Variants in CYP2J2 observed in about 807,000 individuals in gnomAD.
The protein encoded by CYP2J2 is cytochrome P450 family 2 subfamily J member 2, also known as cytochrome P450 2J2.
CYP2J2 carries 41 observed loss-of-function variants against 48.8 expected under a neutral mutation model. The ratio of observed to expected loss-of-function variants is 0.84; its 90% CI spans 0.66 to 1.09. The LOEUF (loss-of-function observed/expected upper bound fraction) is 1.09. CYP2J2 is among the 50% of genes least tolerant of loss of function. The probability of loss-of-function intolerance (pLI) is 0.00; values close to 1 mark genes in which losing one functional copy is unlikely to be tolerated. For missense variants in CYP2J2, 644 were observed against 617.3 expected (o/e 1.04, Z -0.46); for synonymous variants, 221 against 227.1 (o/e 0.97, Z 0.24).
chr1:59,899,394 GC>G (rs1426828919), intron 8 of CYP2J2, among the ~76,000 whole-genome samples: 1 of 152,180 alleles, frequency 6.6e-6, no homozygotes, highest in East Asian at 1.9e-4. Flanking sequence ...ATCAGAATCA[GC>G]CCAGAGACAC....
upstream of CYP2J2, among the ~76,000 whole-genome samples, chr1:59,931,440 G>A (rs945707218): frequency 3.9e-5 from 6 of 151,910 alleles, no homozygotes; most frequent in African/African-American, 1.5e-4. Context: ...TTTAAAAAAG[G>A]AAGAAGAAAA....
chr1:59,917,862 G>A (rs1238213002), intron 1 of CYP2J2, among the ~76,000 whole-genome samples: 2 of 152,106 alleles, frequency 1.3e-5, no homozygotes, highest in African/African-American at 4.8e-5. Context: ...AGGTGTTTGT[G>A]GCCTCTTCTC....
Position 59,911,486 on chromosome 1 carries a change from T to C in CYP2J2, c.684+122A>G, listed in dbSNP as rs149065781. 95 of 627,634 alleles carry C rather than the reference T, an allele frequency of 1.5e-4. No individual in the cohort carries two copies. The African/African-American group carries it at 1.6e-3, about 11-fold the overall frequency. The allele number at this position is 627,634 out of a possible 1,614,324, so 38.9% of individuals were successfully genotyped here. A position where few individuals can be genotyped will look rare whatever the true frequency, so the allele number is the denominator to read the frequency against. ...TATTTCAAATAAGTTTGTGTTGAAA[T>C]TAGTTTTGAAAGGTTATATTTTAAC... On this transcript the variant is annotated intron_variant, in intron 4 of 8. Transcript: ENST00000371204.
upstream of CYP2J2, among the ~76,000 whole-genome samples, chr1:59,928,764 G>A (rs1014977670): frequency 6.6e-6 from 1 of 152,306 alleles, no homozygotes; most frequent in Middle Eastern, 3.4e-3. Context: ...ACAAACACCA[G>A]AGATGAATGC....
At chr1:59,927,936 T>C (rs966244931), upstream of CYP2J2, among the ~76,000 whole-genome samples, 6 of 152,228 alleles carry the variant, frequency 3.9e-5, no homozygotes, top group African/African-American at 1.4e-4. Context: ...GCTTAGCTTT[T>C]ATCCTTCTAG....
chr1:59,905,969 G>A (rs1314796357), intron 6 of CYP2J2, among the ~76,000 whole-genome samples: 1 of 152,090 alleles, frequency 6.6e-6, no homozygotes, highest in African/African-American at 2.4e-5. Flanking sequence ...GGCGGATCAC[G>A]AGGTCAGGAG....
chr1:59,897,367 C>T (rs751071957), intron 8 of CYP2J2, among the ~76,000 whole-genome samples: 1 of 152,246 alleles, frequency 6.6e-6, no homozygotes, highest in Non-Finnish European at 1.5e-5. Context: ...CAAAACTAAA[C>T]TTATCTCATT....
the CYP2J2 span, among the ~76,000 whole-genome samples, chr1:59,944,249 G>T: frequency 1.3e-5 from 2 of 152,170 alleles, no homozygotes; most frequent in Non-Finnish European, 2.9e-5. Flanking sequence ...TTGAGACAGG[G>T]TCTCACTTTG....
At chr1:59,944,916 C>G in the CYP2J2 span, among the ~76,000 whole-genome samples, 1 of 151,828 alleles carries the variant, frequency 6.6e-6, no homozygotes, top group South Asian at 2.1e-4. Flanking sequence ...GTAGTTGATA[C>G]TTTTCTTGTT....
At chr1:59,929,115 A>G (rs1209129297), upstream of CYP2J2, among the ~76,000 whole-genome samples, 3 of 152,236 alleles carry the variant, frequency 2.0e-5, no homozygotes, top group Non-Finnish European at 2.9e-5. Flanking sequence ...AAAGTCAAAG[A>G]CAGCCCTGCT....
chr1:59,968,776 C>T, the CYP2J2 span, among the ~76,000 whole-genome samples: 5 of 152,202 alleles, frequency 3.3e-5, no homozygotes, highest in Admixed American at 2.6e-4. Context: ...TGTGCCTCTC[C>T]GAGCTGCTCC....
chr1:59,967,855 T>C, the CYP2J2 span, among the ~76,000 whole-genome samples: 1 of 152,236 alleles, frequency 6.6e-6, no homozygotes, highest in African/African-American at 2.4e-5. Context: ...GAAATCAGAA[T>C]CATTTGTGTT....
intron 1 of CYP2J2, among the ~76,000 whole-genome samples, chr1:59,921,401 T>C (rs1644514172): frequency 1.3e-5 from 2 of 152,134 alleles, no homozygotes; most frequent in Non-Finnish European, 2.9e-5. Context: ...CTTCCCCCTG[T>C]AGAGAGCCTA....
the CYP2J2 span, among the ~76,000 whole-genome samples, chr1:59,956,448 T>A: frequency 6.6e-6 from 1 of 152,122 alleles, no homozygotes; most frequent in East Asian, 1.9e-4. Context: ...GTACAGTATT[T>A]TAGAAGGAGA....
intron 2 of CYP2J2, among the ~76,000 whole-genome samples, chr1:59,914,772 C>T (rs764620757): frequency 3.3e-5 from 5 of 152,158 alleles, no homozygotes; most frequent in Non-Finnish European, 7.4e-5. Context: ...CTGACCGACC[C>T]CCAGCCTGAC....
the CYP2J2 span, among the ~76,000 whole-genome samples, chr1:59,945,442 CTCTCTA>C: frequency 5.9e-5 from 9 of 151,764 alleles, no homozygotes; most frequent in East Asian, 1.9e-4. Context: ...ATCTATCTAT[CTCTCTA>C]TCTATCTATG....
intron 2 of CYP2J2, chr1:59,912,538 G>T (rs1644427475): frequency 6.6e-6 from 3 of 457,062 alleles, no homozygotes; most frequent in Non-Finnish European, 1.2e-5. Flanking sequence ...ATATAATTTA[G>T]TACTCATAGA....
chr1:59,938,358 G>A, the CYP2J2 span, among the ~76,000 whole-genome samples: 7 of 152,234 alleles, frequency 4.6e-5, no homozygotes, highest in Non-Finnish European at 7.3e-5. Flanking sequence ...CAGTATCTCA[G>A]CAAGAGAAAT....
At chr1:59,914,065 C>A (rs1367966872) in intron 2 of CYP2J2, among the ~76,000 whole-genome samples, 1 of 152,160 alleles carries the variant, frequency 6.6e-6, no homozygotes, top group Non-Finnish European at 1.5e-5. Flanking sequence ...GATTGTTTCA[C>A]CAGTTTATTA....
Sources: allele counts gnomAD v4.1 joint callset (sites outside exome capture counted in the v4.1 genomes callset), GRCh38; gene constraint gnomAD v4.1.1; transcripts MANE v1.5; gene names NCBI Gene and HGNC (gene_info 2026-07-23, HGNC 2026-07-21).